MOV10: variants seen among roughly 807,000 people sequenced by gnomAD.
MOV10 encodes the protein RNA helicase MOV-10.
A neutral mutation model predicts 108.4 loss-of-function variants in MOV10; 39 were observed. That is an observed-to-expected ratio of 0.36 (90% CI 0.28 to 0.47). The LOEUF is 0.47. MOV10 is among the 20% of genes least tolerant of loss of function. MOV10 has a pLI of 1.00. For synonymous variants in MOV10, 490 were observed against 523.1 expected (o/e 0.94, Z 0.86); for missense variants, 952 against 1,297.6 (o/e 0.73, Z 4.09).
At chr1:112,698,135 C>A (rs759436728) in intron 15 of MOV10, 24 bp downstream of exon 15, 2 of 1,608,220 alleles carry the variant, frequency 1.2e-6, no homozygotes, top group Non-Finnish European at 8.5e-7. Flanking sequence ...GGGCAGGCCC[C>A]ACCCCTGTAC....
chr1:112,689,465 C>T lies in MOV10; in HGVS notation c.392C>T (p.Pro131Leu). ...KHGVDVEVQG[P>L]HEARDGQLLI... ...GGTGTGGATGTGGAAGTCCAGGGGC[C>T]CCATGAAGCCCGAGATGGGCAGCTC... Residue 131 changes from proline (P) to leucine (L), a missense_variant, in exon 4 of 21, where the codon CCC (proline) becomes CTC (leucine). By Grantham distance (98) the Pro-to-Leu change is moderately conservative. Transcript: ENST00000369645. 3 of 1,613,868 alleles carry T rather than the reference C, an allele frequency of 1.9e-6. No individual in the cohort carries two copies. Among genetic ancestry groups the T allele is most frequent in the Admixed American group, 1.7e-5 (1 of 60,020 alleles).
intron 2 of MOV10, among the ~76,000 whole-genome samples, chr1:112,678,275 G>A (rs1270013918): frequency 1.3e-5 from 2 of 152,098 alleles, no homozygotes; most frequent in East Asian, 1.9e-4. Flanking sequence ...GGAGTCCATT[G>A]TATGGGGTAA....
At position 112,675,287 on chromosome 1, in the gene MOV10, G is replaced by A. The variant is rs1672096669; in HGVS notation, c.137+238G>A. Among the ~76,000 whole-genome samples, 1 of 151,952 alleles carries A rather than the reference G, an allele frequency of 6.6e-6. No homozygotes were observed. The highest frequency in any genetic ancestry group is 2.1e-4 in the South Asian group (1 of 4,832). ...CCCCTGCGCCAAGTCGCCGCGGAGA[G>A]CCTCCCGCGCTGCCCGCGCCCCCGG... On this transcript the variant is annotated intron_variant, in intron 2 of 20. Transcript: ENST00000369645. This position sits in a 1 kb window ranked among gnomAD's most constrained non-coding sequence, Gnocchi z 4.7.
intron 2 of MOV10, among the ~76,000 whole-genome samples, chr1:112,681,538 G>A (rs897422760): frequency 6.6e-6 from 1 of 152,010 alleles, no homozygotes; most frequent in South Asian, 2.1e-4. Flanking sequence ...TCTCTCAACT[G>A]TGTGATGGGA....
Position 112,695,973 on chromosome 1 carries a change from C to T in MOV10, c.1780-175C>T, listed in dbSNP as rs548440288. Among the ~76,000 whole-genome samples the T allele has an allele frequency of 7.9e-5, 12 of 152,182 alleles. No individual in the cohort carries two copies. In the East Asian group the frequency reaches 1.9e-3, roughly 25 times the overall value. On this transcript the variant is annotated intron_variant, in intron 11 of 20. Coordinates refer to ENST00000369645, the MANE Select transcript of MOV10 (RefSeq NM_001321324.2). ...ACGAGAATTGCTTGAACCCAGGCGG[C>T]GGAGGTTGCAGTGGGCCAAGATCAC...
At chr1:112,688,204 C>A in intron 2 of MOV10, 1 of 238,222 alleles carries the variant, frequency 4.2e-6, no homozygotes, top group Non-Finnish European at 6.8e-6. Context: ...TAGCATCCAG[C>A]ATAGTGTCTG....
At chr1:112,690,162 T>C in intron 5 of MOV10, 64 bp downstream of exon 5, 1 of 1,572,172 alleles carries the variant, frequency 6.4e-7, no homozygotes, top group Non-Finnish European at 8.6e-7. Context: ...GCCAGGGCTT[T>C]GGGAAGAGCA....
intron 14 of MOV10, chr1:112,697,762 T>A: frequency 2.0e-6 from 1 of 490,480 alleles, no homozygotes; most frequent in Non-Finnish European, 3.7e-6. Context: ...TAGTTTTAAA[T>A]GTCATGGGTC....
In MOV10 at chr1:112,699,748, A is replaced by G. The variant is rs1362643393; in HGVS notation, c.2647A>G (p.Ser883Gly). The stretch of plus-strand genomic sequence containing the variant: ...CGTCATCCTCATCTCCACCGTGCGA[A>G]GCAGCCAGAGCTTTGTGCAGCTGGA... ...RSVILISTVR[S>G]SQSFVQLDLD... Residue 883 changes from serine to glycine, a missense_variant, in exon 18 of 21, where the codon AGC (serine) becomes GGC (glycine). Physicochemically the swap from Ser to Gly is moderately conservative, Grantham distance 56. Around this residue, in one of 5 missense-constraint regions of MOV10, gnomAD observed 65 missense variants for 124.3 expected, o/e 0.52. Coordinates refer to ENST00000369645, the MANE Select transcript of MOV10 (RefSeq NM_001321324.2). 1 of 1,614,252 alleles carries G rather than the reference A, an allele frequency of 6.2e-7. No homozygotes were observed.
intron 7 of MOV10, 176 bp from the exon 8 acceptor site, chr1:112,693,842 C>G (rs1242396091): frequency 1.8e-6 from 1 of 570,286 alleles, no homozygotes; most frequent in East Asian, 2.9e-5. Flanking sequence ...CTTCCTCTTC[C>G]CCTGACTCCT....
At position 112,675,368 on chromosome 1, in the gene MOV10, G is replaced by T. The variant is rs1158306879; in HGVS notation, c.137+319G>T. Among the ~76,000 whole-genome samples the T allele has an allele frequency of 1.3e-5, 2 of 152,178 alleles. No individual in the cohort carries two copies. The highest frequency in any genetic ancestry group is 2.9e-5 in the Non-Finnish European group (2 of 68,020). On this transcript the variant is annotated intron_variant, in intron 2 of 20. Coordinates refer to ENST00000369645, the MANE Select transcript of MOV10 (RefSeq NM_001321324.2). The surrounding 1 kb of genome is among the most constrained non-coding windows in gnomAD (Gnocchi z 4.7). Reference sequence around the variant, plus strand: ...CCGCGTCCATGCGCCGCTCGCGGGGGCTGAGGGACAGCGCTCGCGGTGGGG... The same window carrying T: ...CCGCGTCCATGCGCCGCTCGCGGGGTCTGAGGGACAGCGCTCGCGGTGGGG...
Position 112,698,071 on chromosome 1 carries a change from A to G in MOV10, c.2276A>G (p.Asp759Gly), listed in dbSNP as rs973077603. ...CTGCAGGCCTGTGCTGATGTCGTGG[A>G]TCGAGAACGCTTCTGCCGCTGGGCG... ...GELQACADVV[D>G]RERFCRWAGL... The change falls in exon 15 of 21, where the codon GAT becomes GGT. Residue 759 changes from aspartate (D) to glycine (G), a missense_variant. Transcript: ENST00000369645. 6.2e-7 allele frequency: 1 copy of G among 1,614,178 alleles called. No homozygotes were observed. The highest frequency in any genetic ancestry group is 8.5e-7 in the Non-Finnish European group (1 of 1,180,036).
At chr1:112,690,614 C>T (rs984582891) in intron 5 of MOV10, among the ~76,000 whole-genome samples, 1 of 152,140 alleles carries the variant, frequency 6.6e-6, no homozygotes, top group African/African-American at 2.4e-5. Context: ...CCAGCCTCGG[C>T]CTCCCAAAAT....
chr1:112,691,921 C>T (rs1001827950), intron 6 of MOV10, 122 bp downstream of exon 6: 7 of 1,070,106 alleles, frequency 6.5e-6, no homozygotes, highest in African/African-American at 4.7e-5. Context: ...TTACTGAGCA[C>T]GCACCATACA....
chr1:112,684,557 C>G (rs372235981), intron 2 of MOV10, among the ~76,000 whole-genome samples: 1 of 152,148 alleles, frequency 6.6e-6, no homozygotes, highest in Admixed American at 6.5e-5. Context: ...CGTGAGCCAC[C>G]GTGCCCGGAC....
rs759895269 is a variant in MOV10 at position 112,674,900 on chromosome 1, AGCC to A, written c.-4_-2del. On this transcript the variant is annotated 5_prime_UTR_variant, in exon 2 of 21. Coordinates refer to ENST00000369645, the MANE Select transcript of MOV10 (RefSeq NM_001321324.2). ...CCACGGACCCTCCTGCCTGGGCCGCAGCCGCCGCCGCGATGCCCAGTAAGTTCA... is the reference window on the plus strand; with the variant it reads ...CCACGGACCCTCCTGCCTGGGCCGCAGCCGCCGCGATGCCCAGTAAGTTCA... 7 of 1,552,544 alleles carry A rather than the reference AGCC, an allele frequency of 4.5e-6. No individual in the cohort carries two copies. The highest frequency in any genetic ancestry group is 2.6e-5 in the East Asian group (1 of 38,610).
chr1:112,691,597 C>G lies in MOV10; in HGVS notation c.837-68C>G, dbSNP rs1283684996. The G allele has an allele frequency of 3.2e-6, 5 of 1,572,468 alleles. No homozygotes were observed. The African/African-American group carries it at 5.4e-5, about 17-fold the overall frequency. On this transcript the variant is annotated intron_variant, in intron 5 of 20. Coordinates refer to ENST00000369645, the MANE Select transcript of MOV10 (RefSeq NM_001321324.2). ...TGCAGGAGGGCTTTGTGCATCCACCCCAGAGGGGCGTTCTCAGAGTGTTGG... is the reference window on the plus strand; with the variant it reads ...TGCAGGAGGGCTTTGTGCATCCACCGCAGAGGGGCGTTCTCAGAGTGTTGG...
At chr1:112,676,197 A>G (rs1672187671) in intron 2 of MOV10, among the ~76,000 whole-genome samples, 1 of 152,220 alleles carries the variant, frequency 6.6e-6, no homozygotes, top group African/African-American at 2.4e-5. Flanking sequence ...GACTCTTAAG[A>G]TGAAAAACAC....
At chr1:112,683,849 A>T (rs766161879) in intron 2 of MOV10, among the ~76,000 whole-genome samples, 1 of 152,188 alleles carries the variant, frequency 6.6e-6, no homozygotes, top group Non-Finnish European at 1.5e-5. Context: ...ATCCTTGCAC[A>T]TATGTCTTTA....
Sources: allele counts gnomAD v4.1 joint callset (sites outside exome capture counted in the v4.1 genomes callset), GRCh38; gene constraint gnomAD v4.1.1; regional missense constraint gnomAD v4.1.1; non-coding constraint Gnocchi (gnomAD v3.1); transcripts MANE v1.5; gene names NCBI Gene and HGNC (gene_info 2026-07-23, HGNC 2026-07-21).